Variants in SNAP91 observed in about 807,000 individuals in gnomAD.
SNAP91 encodes clathrin coat assembly protein AP180.
SNAP91 carries 27 observed loss-of-function variants against 100.3 expected under a neutral mutation model. That is an observed-to-expected ratio of 0.27 (90% confidence interval 0.20 to 0.37). The LOEUF is 0.37. Among genes scored for constraint, SNAP91 ranks in the 10% least tolerant of loss-of-function variants. The pLI, the probability that SNAP91 is intolerant of heterozygous loss-of-function variation, is 1.00. For missense variants in SNAP91, 986 were observed against 1,123.7 expected (o/e 0.88, Z 1.75); for synonymous variants, 404 against 398.6 (o/e 1.01, Z -0.16).
chr6:83,601,714 T>C, intron 14 of SNAP91, 115 bp from the exon 15 acceptor site: 1 of 922,776 alleles, frequency 1.1e-6, no homozygotes, highest in Non-Finnish European at 1.8e-6. Context: ...CTTAGCTTTA[T>C]GTGTCTTCTA....
chr6:83,701,155 G>A (rs1407888119), intron 2 of SNAP91, among the ~76,000 whole-genome samples: 1 of 73,090 alleles, frequency 1.4e-5, no homozygotes, highest in Non-Finnish European at 2.8e-5. Context: ...AGAATGACAG[G>A]TTGGTTGTTG....
intron 25 of SNAP91, 193 bp from the exon 26 acceptor site, chr6:83,575,314 T>A: frequency 1.7e-6 from 1 of 573,044 alleles, no homozygotes; most frequent in Non-Finnish European, 3.0e-6. Flanking sequence ...TTAAAAGCAT[T>A]TGAAAAAAAA....
At chr6:83,601,190 CG>C in intron 16 of SNAP91, 80 bp downstream of exon 16, 4 of 1,366,864 alleles carry the variant, frequency 2.9e-6, no homozygotes, top group Non-Finnish European at 4.1e-6. Flanking sequence ...TGTTACATAA[CG>C]GAAAAAATTT....
intron 2 of SNAP91, among the ~76,000 whole-genome samples, chr6:83,687,634 T>C (rs1333662859): frequency 1.3e-5 from 2 of 152,100 alleles, no homozygotes; most frequent in Admixed American, 1.3e-4. Context: ...AGCAGTGCCA[T>C]GGCTGGAAAT....
chr6:83,649,482 G>A lies in SNAP91; in HGVS notation c.658+7272C>T, dbSNP rs76153154. Among the ~76,000 whole-genome samples, 277 of 152,284 alleles carry A rather than the reference G, an allele frequency of 1.8e-3. 4 individuals are homozygous for A. Among genetic ancestry groups the A allele is most frequent in the Admixed American group, 0.015 (222 of 15,280 alleles). ...GTGTCTCTTACAACTTAGTGTCAAA[G>A]CTTCACACCATTGCTTCAGCTTCAT... is the stretch of plus-strand genomic sequence containing the variant. On this transcript the variant is annotated intron_variant, in intron 7 of 29. Coordinates refer to ENST00000369694, the MANE Select transcript of SNAP91 (RefSeq NM_001242792.2).
intron 22 of SNAP91, among the ~76,000 whole-genome samples, chr6:83,589,029 C>T (rs1253036916): frequency 2.0e-5 from 3 of 152,124 alleles, no homozygotes; most frequent in East Asian, 1.9e-4. Flanking sequence ...ATTTTATGGG[C>T]CGTTTTAATC....
In SNAP91 at chr6:83,601,419, G is replaced by T; in HGVS notation, c.1176C>A (p.Ser392=). 6.2e-7 allele frequency: 1 copy of T among 1,613,528 alleles called. No homozygotes were observed. Among genetic ancestry groups the T allele is most frequent in the Non-Finnish European group, 8.5e-7 (1 of 1,179,724 alleles). Reference sequence around the variant, plus strand: ...AAATCTGTGCTTCAGAGGGAACAGAGGAAAGTGCAGCCAAAGAATCTATAT... The same window carrying T: ...AAATCTGTGCTTCAGAGGGAACAGATGAAAGTGCAGCCAAAGAATCTATAT... ...LLGEDSLAAL[S]SVPSEAQISD... Residue 392 remains serine (S), a synonymous_variant, in exon 16 of 30, where the codon TCC becomes TCA. Transcript: ENST00000369694.
At chr6:83,621,781 C>T (rs2096739155) in intron 9 of SNAP91, among the ~76,000 whole-genome samples, 1 of 151,998 alleles carries the variant, frequency 6.6e-6, no homozygotes, top group African/African-American at 2.4e-5. Context: ...TGAGAGCCTA[C>T]TTTCTCTTTT....
rs77775578 is a variant in SNAP91 at position 83,614,317 on chromosome 6, C to A, written c.884+540G>T. ...ACAGACAATATATAAAGGTATATCA[C>A]AGAGTATTGCATAAAATTACAGAAA... is the stretch of plus-strand genomic sequence containing the variant. On this transcript the variant is annotated intron_variant, in intron 11 of 29. Coordinates refer to ENST00000369694, the MANE Select transcript of SNAP91 (RefSeq NM_001242792.2). Among the ~76,000 whole-genome samples the A allele has an allele frequency of 3.1e-3, 467 of 152,184 alleles. 2 individuals are homozygous for A. Among genetic ancestry groups the A allele is most frequent in the African/African-American group, 0.011 (439 of 41,542 alleles).
intron 2 of SNAP91, among the ~76,000 whole-genome samples, chr6:83,676,647 AG>A (rs2098907632): frequency 6.6e-6 from 1 of 152,200 alleles, no homozygotes; most frequent in African/African-American, 2.4e-5. Flanking sequence ...ATAGCATTAT[AG>A]GTCACAGAAG....
chr6:83,659,954 T>C (rs1178599691), intron 5 of SNAP91, among the ~76,000 whole-genome samples: 1 of 152,058 alleles, frequency 6.6e-6, no homozygotes, highest in African/African-American at 2.4e-5. Context: ...TGTCGGAGGG[T>C]GCACTGCACC....
chr6:83,580,442 T>G lies in SNAP91; in HGVS notation c.2299+8A>C, dbSNP rs1475518669. ...TTAAAGAAAAAAAAAAAAAACTAGA[T>G]TACTCACTGCCTACTAAGCTGGCAA... On this transcript the variant is annotated splice_region_variant and intron_variant, in intron 24 of 29. Coordinates refer to ENST00000369694, the MANE Select transcript of SNAP91 (RefSeq NM_001242792.2). 6.3e-7 allele frequency: 1 copy of G among 1,578,470 alleles called. No individual in the cohort carries two copies. The highest frequency in any genetic ancestry group is 2.0e-5 in the Admixed American group (1 of 50,560).
chr6:83,651,670 A>G (rs542541455), intron 7 of SNAP91, among the ~76,000 whole-genome samples: 1 of 152,250 alleles, frequency 6.6e-6, no homozygotes, highest in Admixed American at 6.5e-5. Context: ...TGTGGTCTCT[A>G]CTGGTGAATG....
chr6:83,705,292 T>C (rs1487585492), intron 2 of SNAP91, among the ~76,000 whole-genome samples: 2 of 152,200 alleles, frequency 1.3e-5, no homozygotes, highest in African/African-American at 2.4e-5. Flanking sequence ...ATATTTTCAT[T>C]CAATTTTTTC....
At chr6:83,578,705 T>G (rs564380011) in intron 24 of SNAP91, among the ~76,000 whole-genome samples, 9 of 152,302 alleles carry the variant, frequency 5.9e-5, no homozygotes, top group African/African-American at 2.2e-4. Flanking sequence ...TTAATGGTAT[T>G]GTCTACTGCA....
intron 2 of SNAP91, among the ~76,000 whole-genome samples, chr6:83,686,659 C>T (rs527974708): frequency 6.6e-6 from 1 of 152,332 alleles, no homozygotes; most frequent in Non-Finnish European, 1.5e-5. Flanking sequence ...TACACAGCAG[C>T]TTAAACATCT....
chr6:83,610,535 G>T, intron 12 of SNAP91, 115 bp downstream of exon 12: 1 of 342,766 alleles, frequency 2.9e-6, no homozygotes, highest in Non-Finnish European at 5.6e-6. Flanking sequence ...AATGGATAGA[G>T]AGGATGGTTG....
chr6:83,585,066 AT>A (rs1275746679), intron 22 of SNAP91, among the ~76,000 whole-genome samples: 1 of 152,228 alleles, frequency 6.6e-6, no homozygotes, highest in Non-Finnish European at 1.5e-5. Context: ...AATTGCTATA[AT>A]GAAGAACTAA....
intron 2 of SNAP91, among the ~76,000 whole-genome samples, chr6:83,687,933 C>T (rs982111604): frequency 6.6e-5 from 10 of 151,958 alleles, no homozygotes; most frequent in South Asian, 2.1e-4. Flanking sequence ...TGTTATCTAC[C>T]GAGAGGTGGA....
Sources: allele counts gnomAD v4.1 joint callset (sites outside exome capture counted in the v4.1 genomes callset), GRCh38; gene constraint gnomAD v4.1.1; transcripts MANE v1.5; gene names NCBI Gene and HGNC (gene_info 2026-07-23, HGNC 2026-07-21).